The following KAZN variants were observed in gnomAD, a reference collection of about 807,000 sequenced individuals.
KAZN encodes kazrin.
KAZN carries 40 observed loss-of-function variants against 87.4 expected under a neutral mutation model. That is an observed-to-expected ratio of 0.46 (90% CI 0.36 to 0.60). KAZN has a LOEUF of 0.60. Ranked by LOEUF, KAZN falls within the 20% of genes least tolerant of loss-of-function variation. The pLI is 0.00. For missense variants in KAZN, 898 were observed against 1,073.9 expected, an observed-to-expected ratio of 0.84 and a Z score of 2.29; for synonymous variants, 466 against 458.3, an observed-to-expected ratio of 1.02 and a Z score of -0.22.
chr1:13,919,706 TTATA>T lies in KAZN; in HGVS notation c.91+25955_91+25958del, dbSNP rs1639991870. On this transcript the variant is annotated intron_variant, in intron 1 of 16. Transcript: ENST00000636203. Reference sequence around the variant, plus strand: ...GTTTTCCTTATTAAATTTTAAAAGTTTATATATAGTGTGCATGCCAGTCTTTGGG... The same window carrying T: ...GTTTTCCTTATTAAATTTTAAAAGTTTATAGTGTGCATGCCAGTCTTTGGG... Among the ~76,000 whole-genome samples, 4 of 152,302 alleles carry T rather than the reference TTATA, an allele frequency of 2.6e-5. No individual in the cohort carries two copies. The South Asian group carries it at 8.3e-4, about 32-fold the overall frequency.
At chr1:14,905,895 A>G (rs1336716163) in intron 1 of KAZN, among the ~76,000 whole-genome samples, 2 of 138,628 alleles carry the variant, frequency 1.4e-5, no homozygotes, top group Admixed American at 7.3e-5. Context: ...CAGGCCGGAC[A>G]CGGTGGCTCA....
At chr1:14,220,783 C>T (rs1647079392) in intron 2 of KAZN, among the ~76,000 whole-genome samples, 1 of 152,216 alleles carries the variant, frequency 6.6e-6, no homozygotes, top group Non-Finnish European at 1.5e-5. Context: ...GATAGTCCCA[C>T]ATTTATCCTC....
At chr1:14,413,941 T>G (rs1381186386) in intron 2 of KAZN, among the ~76,000 whole-genome samples, 1 of 152,156 alleles carries the variant, frequency 6.6e-6, no homozygotes, top group African/African-American at 2.4e-5. Flanking sequence ...ATATAAAAAA[T>G]GTTTGACCTC....
At chr1:14,175,360 C>T (rs1488699957) in intron 1 of KAZN, among the ~76,000 whole-genome samples, 5 of 152,210 alleles carry the variant, frequency 3.3e-5, no homozygotes, top group African/African-American at 7.2e-5. Flanking sequence ...ACCTCGGCCT[C>T]CCGAAGTGCT....
chr1:14,140,192 C>A (rs1456186786), intron 1 of KAZN, among the ~76,000 whole-genome samples: 1 of 152,024 alleles, frequency 6.6e-6, no homozygotes, highest in Admixed American at 6.6e-5. Flanking sequence ...AGGTTTAAAT[C>A]CTGGCCCCAT....
At chr1:14,951,590 C>T (rs928142836) in intron 1 of KAZN, among the ~76,000 whole-genome samples, 2 of 152,046 alleles carry the variant, frequency 1.3e-5, no homozygotes, top group African/African-American at 4.8e-5. Context: ...AATTTTCCTG[C>T]CTCAGCCTCC....
At chr1:15,046,088 A>G (rs1377357062) in intron 4 of KAZN, among the ~76,000 whole-genome samples, 1 of 152,202 alleles carries the variant, frequency 6.6e-6, no homozygotes, top group Non-Finnish European at 1.5e-5. Flanking sequence ...ACCTGAGGTC[A>G]GGAGTTCGAG....
chr1:14,882,081 G>A (rs947155704), intron 1 of KAZN, among the ~76,000 whole-genome samples: 3 of 152,174 alleles, frequency 2.0e-5, no homozygotes, highest in Non-Finnish European at 4.4e-5. Context: ...CCTTGCTAGC[G>A]AGTCCCAGGT....
chr1:14,546,360 A>C (rs1180427266), intron 2 of KAZN, among the ~76,000 whole-genome samples: 1 of 152,212 alleles, frequency 6.6e-6, no homozygotes, highest in African/African-American at 2.4e-5. Flanking sequence ...CCAAAGCTTA[A>C]GAAACAACCA....
intron 1 of KAZN, among the ~76,000 whole-genome samples, chr1:14,064,575 T>G (rs72641643): frequency 0.11 from 17,372 of 152,014 alleles, 1,515 homozygotes; most frequent in African/African-American, 0.24. Context: ...AAGCGTTTTT[T>G]GATGTTTAGC....
At chr1:14,809,526 G>A (rs191644303) in intron 1 of KAZN, among the ~76,000 whole-genome samples, 3 of 152,304 alleles carry the variant, frequency 2.0e-5, no homozygotes, top group East Asian at 3.9e-4. Context: ...GTGCAGGGGA[G>A]TGCACTGATT....
Position 15,081,878 on chromosome 1 carries a change from G to A in KAZN, c.1223-12302G>A, listed in dbSNP as rs1346986437. Among the ~76,000 whole-genome samples, 6 of 152,154 alleles carry A rather than the reference G, an allele frequency of 3.9e-5. No individual in the cohort carries two copies. The highest frequency in any genetic ancestry group is 8.8e-5 in the Non-Finnish European group (6 of 68,022). On this transcript the variant is annotated intron_variant, in intron 8 of 14. Coordinates refer to ENST00000376030, the MANE Select transcript of KAZN (RefSeq NM_201628.3). This position sits in a 1 kb window ranked among gnomAD's most constrained non-coding sequence, Gnocchi z 4.1. ...CAAGGACCTTGGGCTTTACCAGGGA[G>A]CCATTGAAGGATGATGAGCAGAAGA...
At chr1:14,275,308 G>C (rs1306018181) in intron 2 of KAZN, among the ~76,000 whole-genome samples, 2 of 152,116 alleles carry the variant, frequency 1.3e-5, no homozygotes, top group African/African-American at 4.8e-5. Context: ...AAATTTATTA[G>C]AAATACAGAT....
intron 1 of KAZN, among the ~76,000 whole-genome samples, chr1:14,774,720 A>C (rs564306353): frequency 6.6e-6 from 1 of 152,196 alleles, no homozygotes; most frequent in Admixed American, 6.5e-5. Flanking sequence ...CCTGACCTCA[A>C]GTGATCCTCC....
At chr1:14,169,935 C>T (rs1480184168) in intron 1 of KAZN, among the ~76,000 whole-genome samples, 1 of 152,130 alleles carries the variant, frequency 6.6e-6, no homozygotes, top group Non-Finnish European at 1.5e-5. Context: ...AAATCTGACC[C>T]CAAAAGCTCA....
chr1:14,647,439 G>A (rs933802759), intron 1 of KAZN, among the ~76,000 whole-genome samples: 1 of 152,158 alleles, frequency 6.6e-6, no homozygotes, highest in Non-Finnish European at 1.5e-5. Flanking sequence ...AGGAGGCTGA[G>A]TTACAGAAGG....
rs760172486 is a variant in KAZN, at chr1:14,856,845, G to A, written c.227-103839G>A. Among the ~76,000 whole-genome samples the A allele has an allele frequency of 2.0e-5, 3 of 152,148 alleles. No individual in the cohort carries two copies. Among genetic ancestry groups the A allele is most frequent in the Non-Finnish European group, 2.9e-5 (2 of 68,024 alleles). ...GGAACTCAGACTTTTTTCCTCTGTT[G>A]TCATCCTTTGATGCTTCTCCTTGGG... On this transcript the variant is annotated intron_variant, in intron 1 of 14. Transcript: ENST00000376030. This position sits in a 1 kb window ranked among gnomAD's most constrained non-coding sequence, Gnocchi z 5.2.
chr1:14,817,709 C>T (rs751656356), intron 1 of KAZN, among the ~76,000 whole-genome samples: 10 of 152,034 alleles, frequency 6.6e-5, no homozygotes, highest in South Asian at 2.1e-4. Flanking sequence ...GTCTAGCTTC[C>T]GAAGTCTCTG....
intron 2 of KAZN, among the ~76,000 whole-genome samples, chr1:14,221,740 T>C (rs940775407): frequency 2.6e-5 from 4 of 152,162 alleles, no homozygotes; most frequent in Non-Finnish European, 5.9e-5. Context: ...GGGGATGAGG[T>C]GGGAAGAAGA....
Sources: allele counts gnomAD v4.1 joint callset (sites outside exome capture counted in the v4.1 genomes callset), GRCh38; gene constraint gnomAD v4.1.1; non-coding constraint Gnocchi (gnomAD v3.1); transcripts MANE v1.5; gene names NCBI Gene and HGNC (gene_info 2026-07-23, HGNC 2026-07-21).